SSBP4: variants seen among roughly 807,000 people sequenced by gnomAD.
SSBP4 encodes the protein single-stranded DNA-binding protein 4.
In SSBP4, 33 loss-of-function variants were observed where a neutral mutation model predicts 64.6. That is an observed-to-expected ratio of 0.51 (90% CI 0.39 to 0.68). The LOEUF (loss-of-function observed/expected upper bound fraction) is 0.68, where lower values mean the gene tolerates loss of function less well. Ranked by LOEUF, SSBP4 falls within the 30% of genes least tolerant of loss-of-function variation. The pLI, the probability that SSBP4 is intolerant of heterozygous loss-of-function variation, is 0.00. For synonymous variants in SSBP4, 243 were observed against 224.0 expected, an observed-to-expected ratio of 1.08 and a Z score of -0.76; for missense variants, 583 against 566.8, an observed-to-expected ratio of 1.03 and a Z score of -0.29.
At chr19:18,421,181 G>C (rs945096127) in intron 1 of SSBP4, among the ~76,000 whole-genome samples, 1 of 152,260 alleles carries the variant, frequency 6.6e-6, no homozygotes, top group Non-Finnish European at 1.5e-5. Context: ...CCTCTGCCCA[G>C]CCTCTGGGTC....
intron 1 of SSBP4, among the ~76,000 whole-genome samples, chr19:18,425,227 CCT>C (rs1382680639): frequency 2.6e-5 from 4 of 152,036 alleles, no homozygotes; most frequent in Admixed American, 6.5e-5. Flanking sequence ...TCCCCCTGGG[CCT>C]TTTGGACAGC....
upstream of SSBP4, chr19:18,418,873 T>C: frequency 1.3e-6 from 1 of 746,428 alleles, no homozygotes; most frequent in Non-Finnish European, 1.6e-6. This position sits in a 1 kb window ranked among gnomAD's most constrained non-coding sequence, Gnocchi z 6.7. Flanking sequence ...TGCGGTGGCC[T>C]GTGTTTAGTT....
intron 17 of SSBP4, 130 bp from the exon 18 acceptor site, chr19:18,434,087 C>T (rs945814019): frequency 5.0e-6 from 7 of 1,396,450 alleles, no homozygotes; most frequent in Non-Finnish European, 6.5e-6. Flanking sequence ...TCCCCCGTTC[C>T]CTCCTGTCCC....
Position 18,427,730 on chromosome 19 carries a change from C to T in SSBP4, c.133-22C>T, listed in dbSNP as rs1171813383. On this transcript the variant is annotated intron_variant, in intron 2 of 17. Coordinates refer to ENST00000270061, the MANE Select transcript of SSBP4 (RefSeq NM_032627.5). This position sits in a 1 kb window ranked among gnomAD's most constrained non-coding sequence, Gnocchi z 4.4. ...GCAGGGTCAGGTAGGGCCACCCCCT[C>T]ACCACCTTCCTTTCCCTGCAGATCC... 8 of 1,566,084 alleles carry T rather than the reference C, an allele frequency of 5.1e-6. No homozygotes were observed. Among genetic ancestry groups the T allele is most frequent in the Middle Eastern group, 3.4e-4 (2 of 5,856 alleles).
At chr19:18,429,073 C>T (rs768202966) in intron 4 of SSBP4, among the ~76,000 whole-genome samples, 7 of 152,184 alleles carry the variant, frequency 4.6e-5, no homozygotes, top group Non-Finnish European at 8.8e-5. Flanking sequence ...GAGCGTAGAC[C>T]GCAGGGCCCA....
At chr19:18,406,033 G>C in the SSBP4 span, among the ~76,000 whole-genome samples, 2 of 151,710 alleles carry the variant, frequency 1.3e-5, no homozygotes, top group Admixed American at 1.3e-4. Context: ...GAGAGATGGG[G>C]TTTTTGCCAT....
At chr19:18,424,600 A>C (rs1972712053) in intron 1 of SSBP4, among the ~76,000 whole-genome samples, 11 of 138,406 alleles carry the variant, frequency 7.9e-5, no homozygotes, top group South Asian at 2.6e-4. Flanking sequence ...TGAACAAGGA[A>C]CATGGGGGTG....
rs1311936749 is a variant in SSBP4, at chr19:18,423,473, A to G, written c.59+3766A>G. On this transcript the variant is annotated intron_variant, in intron 1 of 17. Transcript: ENST00000270061. The surrounding 1 kb of genome is among the most constrained non-coding windows in gnomAD (Gnocchi z 4.0). ...GGAGGACGGCGAGGGTTGGAGGGTCAGGAGTGAGACCTGGTGACGGATGGC... is the reference window on the plus strand; with the variant it reads ...GGAGGACGGCGAGGGTTGGAGGGTCGGGAGTGAGACCTGGTGACGGATGGC... Among the ~76,000 whole-genome samples, 1 of 152,130 alleles carries G rather than the reference A, an allele frequency of 6.6e-6. No homozygotes were observed. The highest frequency in any genetic ancestry group is 1.9e-4 in the East Asian group (1 of 5,190).
At chr19:18,429,419 C>T (rs1331879791) in intron 4 of SSBP4, among the ~76,000 whole-genome samples, 6 of 143,256 alleles carry the variant, frequency 4.2e-5, no homozygotes, top group Non-Finnish European at 7.6e-5. Flanking sequence ...GCGCGCCGCC[C>T]GGGATTAACT....
Position 18,433,639 on chromosome 19 carries a change from G to T in SSBP4, c.1020+26G>T, listed in dbSNP as rs1404733474. On this transcript the variant is annotated intron_variant, in intron 16 of 17. Transcript: ENST00000270061. ...GTAAGGAGGCTGCGCTCTTGCCGGG[G>T]GTGGGATCCGGGGGGGGTGGCGGGG... is the stretch of plus-strand genomic sequence containing the variant. The T allele has an allele frequency of 2.0e-6, 3 of 1,468,848 alleles. No homozygotes were observed. In the East Asian group the frequency reaches 8.8e-5, roughly 43 times the overall value. 91.0% of individuals were successfully genotyped at this position (1,468,848 alleles called of 1,614,324 possible). A position where few individuals can be genotyped will look rare whatever the true frequency, so the allele number is the denominator to read the frequency against.
At position 18,431,773 on chromosome 19, in the gene SSBP4, C is replaced by T. The variant is rs1485233998; in HGVS notation, c.496-20C>T. ...GGGAGGGAGCACCCCACACTCAGTG[C>T]CGCCGCACCCCCTCCGCAGCCTCCC... On this transcript the variant is annotated intron_variant, in intron 7 of 17. Transcript: ENST00000270061. 3 of 1,537,096 alleles carry T rather than the reference C, an allele frequency of 2.0e-6. No homozygotes were observed. In the South Asian group the frequency reaches 3.6e-5, roughly 18 times the overall value.
the SSBP4 span, among the ~76,000 whole-genome samples, chr19:18,403,424 G>A: frequency 6.6e-6 from 1 of 152,210 alleles, no homozygotes; most frequent in African/African-American, 2.4e-5. Context: ...TCCACCTGAT[G>A]AGATATCCCA....
chr19:18,404,103 T>C, the SSBP4 span, among the ~76,000 whole-genome samples: 2 of 151,622 alleles, frequency 1.3e-5, no homozygotes, highest in Non-Finnish European at 2.9e-5. Context: ...GGGGCCACCA[T>C]AGGCATGCAG....
chr19:18,403,911 C>G, the SSBP4 span, among the ~76,000 whole-genome samples: 1 of 152,038 alleles, frequency 6.6e-6, no homozygotes, highest in Non-Finnish European at 1.5e-5. Context: ...GAGGCCACCT[C>G]CCTGGGGTCC....
At chr19:18,411,450 G>A in the SSBP4 span, among the ~76,000 whole-genome samples, 1 of 152,046 alleles carries the variant, frequency 6.6e-6, no homozygotes. Flanking sequence ...AGTCAAGATT[G>A]CGCCACTGCA....
At chr19:18,419,051 A>AGCGG (rs1287383850), upstream of SSBP4, 1 of 985,514 alleles carries the variant, frequency 1.0e-6, no homozygotes, top group Admixed American at 6.1e-5. Context: ...TCGTTCCAGC[A>AGCGG]GCGGGGTACA....
At chr19:18,403,579 G>T in the SSBP4 span, among the ~76,000 whole-genome samples, 2 of 151,650 alleles carry the variant, frequency 1.3e-5, no homozygotes, top group African/African-American at 4.9e-5. Context: ...TGGGGTCTGG[G>T]GATCCTGGGG....
Position 18,427,428 on chromosome 19 carries a change from G to T in SSBP4, c.132+5G>T. 6.2e-7 allele frequency: 1 copy of T among 1,609,302 alleles called. No homozygotes were observed. ...GCCCAGACCTTCCTGTCTGAGGTAA[G>T]CCACCACCTCCAGGCTGGCCCTCCC... On this transcript the variant is annotated splice_donor_5th_base_variant and intron_variant, in intron 2 of 17. Transcript: ENST00000270061. This position sits in a 1 kb window ranked among gnomAD's most constrained non-coding sequence, Gnocchi z 4.4.
At chr19:18,404,891 CAAA>C in the SSBP4 span, among the ~76,000 whole-genome samples, 1 of 44,570 alleles carries the variant, frequency 2.2e-5, no homozygotes, top group Admixed American at 3.0e-4. Flanking sequence ...GACTCCATCT[CAAA>C]AAAAAAAAAA....
Sources: allele counts gnomAD v4.1 joint callset (sites outside exome capture counted in the v4.1 genomes callset), GRCh38; gene constraint gnomAD v4.1.1; non-coding constraint Gnocchi (gnomAD v3.1); transcripts MANE v1.5; gene names NCBI Gene and HGNC (gene_info 2026-07-23, HGNC 2026-07-21).